PRKCE: variants seen among roughly 807,000 people sequenced by gnomAD.
PRKCE encodes the protein protein kinase C epsilon, also known as protein kinase C epsilon type.
Under a neutral mutation model 85.4 loss-of-function variants are expected in PRKCE, and 16 were observed. That is an observed-to-expected ratio of 0.19 (90% CI 0.13 to 0.28). The LOEUF (loss-of-function observed/expected upper bound fraction) is 0.28. PRKCE is among the 10% of genes least tolerant of loss of function. The probability of loss-of-function intolerance (pLI) is 1.00; values close to 1 mark genes in which losing one functional copy is unlikely to be tolerated. For synonymous variants in PRKCE, 388 were observed against 371.5 expected (o/e 1.04, Z -0.51); for missense variants, 573 against 975.2 (o/e 0.59, Z 5.49).
rs1462948372 is a variant in PRKCE, at chr2:46,145,127, G to C, written c.1627G>C (p.Glu543Gln). Residue 543 changes from glutamate (E) to glutamine (Q), a missense_variant, in exon 12 of 15, where the codon GAA becomes CAA. Coordinates refer to ENST00000306156, the MANE Select transcript of PRKCE (RefSeq NM_005400.3). This position sits in a 1 kb window ranked among gnomAD's most constrained non-coding sequence, Gnocchi z 4.6. ...ACTGGACAACATCCTTCTGGATGCA[G>C]AAGGTCACTGCAAGCTGGCTGACTT... ...LKLDNILLDA[E>Q]GHCKLADFGM... 1 of 1,599,788 alleles carries C rather than the reference G, an allele frequency of 6.3e-7. No homozygotes were observed. Among genetic ancestry groups the C allele is most frequent in the Non-Finnish European group, 8.5e-7 (1 of 1,179,970 alleles).
chr2:46,047,476 C>G (rs537192033), intron 10 of PRKCE, among the ~76,000 whole-genome samples: 21 of 152,338 alleles, frequency 1.4e-4, no homozygotes, highest in African/African-American at 5.1e-4. Context: ...GCCCTCCCAG[C>G]AGGCTGTGAG....
intron 2 of PRKCE, among the ~76,000 whole-genome samples, chr2:45,973,219 C>G (rs1702220844): frequency 6.6e-6 from 1 of 152,142 alleles, no homozygotes; most frequent in Non-Finnish European, 1.5e-5. Context: ...GACTGAGGGA[C>G]CTAGTAGCTC....
At chr2:46,011,693 G>A (rs1268300564) in intron 10 of PRKCE, among the ~76,000 whole-genome samples, 1 of 152,126 alleles carries the variant, frequency 6.6e-6, no homozygotes, top group African/African-American at 2.4e-5. Flanking sequence ...GAGGAGACCT[G>A]CAATGAAAAC....
At chr2:45,818,352 G>C (rs114206528) in intron 1 of PRKCE, among the ~76,000 whole-genome samples, 155 of 152,154 alleles carry the variant, frequency 1.0e-3, no homozygotes, top group African/African-American at 3.6e-3. Flanking sequence ...CACCCCTCTG[G>C]ATTTGAAACT....
chr2:46,023,723 C>T (rs1378510704), intron 10 of PRKCE, among the ~76,000 whole-genome samples: 1 of 152,108 alleles, frequency 6.6e-6, no homozygotes, highest in Non-Finnish European at 1.5e-5. Context: ...AGGAGGTTAC[C>T]GGTTCCAGTG....
intron 6 of PRKCE, among the ~76,000 whole-genome samples, chr2:46,000,259 C>T (rs959535066): frequency 1.1e-4 from 16 of 150,950 alleles, no homozygotes; most frequent in South Asian, 1.0e-3. Context: ...ATGTGAGTAA[C>T]GTGTGGAGGG....
intron 1 of PRKCE, among the ~76,000 whole-genome samples, chr2:45,827,350 C>T (rs1269003258): frequency 2.0e-5 from 3 of 152,216 alleles, no homozygotes; most frequent in Non-Finnish European, 4.4e-5. Context: ...AATGAAGGAT[C>T]TATTCTGACA....
At chr2:45,922,230 C>T (rs1478051556) in intron 2 of PRKCE, among the ~76,000 whole-genome samples, 1 of 152,098 alleles carries the variant, frequency 6.6e-6, no homozygotes. Flanking sequence ...ATTGCTGTAG[C>T]CTGAGCTTTG....
intron 10 of PRKCE, among the ~76,000 whole-genome samples, chr2:46,064,751 A>G (rs1667460757): frequency 6.6e-6 from 1 of 152,236 alleles, no homozygotes; most frequent in Non-Finnish European, 1.5e-5. Context: ...TGGAGGCAAA[A>G]TTACAGAAGT....
intron 10 of PRKCE, among the ~76,000 whole-genome samples, chr2:46,058,179 C>T (rs772020107): frequency 4.6e-5 from 7 of 152,344 alleles, no homozygotes; most frequent in African/African-American, 7.2e-5. Context: ...TGCACACAGA[C>T]GTTAGACAAG....
chr2:45,861,564 G>A (rs1304710335), intron 2 of PRKCE, among the ~76,000 whole-genome samples: 1 of 152,138 alleles, frequency 6.6e-6, no homozygotes, highest in East Asian at 1.9e-4. Flanking sequence ...GAGGCTTCAG[G>A]TCCCCAAGAC....
intron 1 of PRKCE, among the ~76,000 whole-genome samples, chr2:45,804,353 C>T (rs1688088625): frequency 6.6e-6 from 1 of 152,084 alleles, no homozygotes; most frequent in Non-Finnish European, 1.5e-5. Flanking sequence ...GTGTGCAGGC[C>T]CCACCCCATC....
At chr2:45,691,329 T>A (rs1677710586) in intron 1 of PRKCE, among the ~76,000 whole-genome samples, 1 of 152,182 alleles carries the variant, frequency 6.6e-6, no homozygotes, top group South Asian at 2.1e-4. Flanking sequence ...CCAGAGAGAC[T>A]GTGGATTTTC....
At chr2:45,792,644 C>T (rs368582387) in intron 1 of PRKCE, among the ~76,000 whole-genome samples, 14 of 152,272 alleles carry the variant, frequency 9.2e-5, no homozygotes, top group African/African-American at 2.4e-4. Context: ...GGATAATCTA[C>T]GTAGCCTCTC....
At chr2:45,928,046 A>G (rs1007306980) in intron 2 of PRKCE, among the ~76,000 whole-genome samples, 1 of 152,064 alleles carries the variant, frequency 6.6e-6, no homozygotes, top group Non-Finnish European at 1.5e-5. Context: ...GGGCTCTAAG[A>G]TAGTACCCCT....
At chr2:46,062,626 A>T (rs985639029) in intron 10 of PRKCE, among the ~76,000 whole-genome samples, 5 of 145,382 alleles carry the variant, frequency 3.4e-5, no homozygotes, top group African/African-American at 1.3e-4. Flanking sequence ...CTTCACCCCC[A>T]ATATTCTTTT....
At chr2:45,922,300 G>C (rs972824444) in intron 2 of PRKCE, among the ~76,000 whole-genome samples, 1 of 152,180 alleles carries the variant, frequency 6.6e-6, no homozygotes, top group African/African-American at 2.4e-5. Flanking sequence ...CATATGCAGT[G>C]CTTAATGGAA....
At chr2:45,856,738 T>C (rs1692712611) in intron 2 of PRKCE, among the ~76,000 whole-genome samples, 1 of 152,194 alleles carries the variant, frequency 6.6e-6, no homozygotes, top group Non-Finnish European at 1.5e-5. Context: ...TGGTAGCCAC[T>C]ATTTTACTCT....
At chr2:45,976,357 T>A (rs140728407) in intron 2 of PRKCE, 72 bp from the exon 3 acceptor site, 346 of 1,526,424 alleles carry the variant, frequency 2.3e-4, no homozygotes, top group Middle Eastern at 1.0e-3. Context: ...GGAGTAGCTC[T>A]CCAGAGGGAG....
Sources: gnomAD v4.1 joint callset for allele counts (sites outside exome capture counted in the v4.1 genomes callset) on GRCh38, gnomAD v4.1.1 for gene constraint, Gnocchi (gnomAD v3.1) non-coding constraint, MANE v1.5 for transcripts, NCBI Gene and HGNC (gene_info 2026-07-23, HGNC 2026-07-21) for gene names.